MAGI2: variants seen among roughly 807,000 people sequenced by gnomAD.
MAGI2 encodes membrane-associated guanylate kinase, WW and PDZ domain-containing protein 2.
MAGI2 carries 35 observed loss-of-function variants against 133.3 expected under a neutral mutation model. The ratio of observed to expected loss-of-function variants is 0.26; its 90% CI spans 0.20 to 0.35. MAGI2 has a LOEUF of 0.35. Among genes scored for constraint, MAGI2 ranks in the 10% least tolerant of loss-of-function variants. The pLI is 1.00. For missense variants in MAGI2, 1,636 were observed against 1,863.4 expected (o/e 0.88, Z 2.25); for synonymous variants, 729 against 710.6 (o/e 1.03, Z -0.41).
intron 1 of MAGI2, among the ~76,000 whole-genome samples, chr7:79,194,009 T>C (rs970470021): frequency 5.3e-5 from 8 of 151,978 alleles, no homozygotes; most frequent in Admixed American, 4.6e-4. Context: ...CAGCAACTAG[T>C]ATTTCTACTT....
chr7:79,395,034 T>G (rs899967662), intron 1 of MAGI2, among the ~76,000 whole-genome samples: 1 of 152,206 alleles, frequency 6.6e-6, no homozygotes, highest in Non-Finnish European at 1.5e-5. Flanking sequence ...GCTGTAGTAC[T>G]CTCAGAGGCA....
Position 78,019,415 on chromosome 7 carries a change from G to C in MAGI2, c.4268C>G (p.Pro1423Arg). 1 of 1,123,228 alleles carries C rather than the reference G, an allele frequency of 8.9e-7. No individual in the cohort carries two copies. The highest frequency in any genetic ancestry group is 1.7e-5 in the African/African-American group (1 of 60,242). The allele number at this position is 1,123,228 out of a possible 1,614,324, so 69.6% of individuals were successfully genotyped here. A position where few individuals can be genotyped will look rare whatever the true frequency, so the allele number is the denominator to read the frequency against. Residue 1423 changes from proline (P) to arginine (R), a missense_variant, in exon 22 of 22, where the codon CCG becomes CGG. By Grantham distance (103) the Pro-to-Arg change is moderately radical. This residue lies in a region of MAGI2 where 354 missense variants were observed against 298.7 expected (regional missense o/e 1.19). Coordinates refer to ENST00000354212, the MANE Select transcript of MAGI2 (RefSeq NM_012301.4). The stretch of plus-strand genomic sequence containing the variant: ...CGGCGCGACGGCGGCCTTGCGCGCC[G>C]GGGCGCCCCCCGGGGGTCGCGGGCC... Reference protein sequence around the residue: ...RPGPRPPGGAPARKAAVAPGP... With the variant: ...RPGPRPPGGARARKAAVAPGP...
chr7:78,882,925 G>T (rs1021919239), intron 2 of MAGI2, among the ~76,000 whole-genome samples: 10 of 152,044 alleles, frequency 6.6e-5, no homozygotes, highest in Non-Finnish European at 1.3e-4. Flanking sequence ...AAAGCTGGAA[G>T]CACTCCCTTA....
intron 2 of MAGI2, among the ~76,000 whole-genome samples, chr7:78,730,443 C>T (rs1821264810): frequency 6.7e-6 from 1 of 149,186 alleles, no homozygotes; most frequent in African/African-American, 2.5e-5. Context: ...GCATAACTGG[C>T]ATCAAAATCA....
At chr7:78,557,335 A>T (rs1464660406) in intron 3 of MAGI2, among the ~76,000 whole-genome samples, 1 of 152,154 alleles carries the variant, frequency 6.6e-6, no homozygotes, top group Admixed American at 6.5e-5. Context: ...CAAAGGAGCC[A>T]GTTAGCATTG....
intron 9 of MAGI2, among the ~76,000 whole-genome samples, chr7:78,323,516 T>C (rs1562822012): frequency 1.3e-5 from 2 of 152,150 alleles, no homozygotes; most frequent in East Asian, 1.9e-4. Flanking sequence ...CTGGGGGAGA[T>C]AGTTTGGAAT....
At chr7:78,144,884 C>G (rs1249541197) in intron 16 of MAGI2, among the ~76,000 whole-genome samples, 1 of 151,936 alleles carries the variant, frequency 6.6e-6, no homozygotes, top group Non-Finnish European at 1.5e-5. Flanking sequence ...CTCCACTTGC[C>G]CCCCTGCCCC....
intron 3 of MAGI2, among the ~76,000 whole-genome samples, chr7:78,573,261 TAA>T (rs1491312085): frequency 1.7e-4 from 3 of 17,262 alleles, no homozygotes; most frequent in East Asian, 0.019. Flanking sequence ...TATATAAATA[TAA>T]ATATATATAA....
intron 2 of MAGI2, among the ~76,000 whole-genome samples, chr7:78,643,957 TATA>T (rs998953560): frequency 8.5e-5 from 13 of 152,166 alleles, no homozygotes; most frequent in African/African-American, 2.9e-4. Flanking sequence ...TTACTTTAAA[TATA>T]ATAATGCAAA....
chr7:78,870,624 A>G (rs527510416), intron 2 of MAGI2, among the ~76,000 whole-genome samples: 2 of 152,278 alleles, frequency 1.3e-5, no homozygotes, highest in Non-Finnish European at 2.9e-5. Flanking sequence ...TACAACCACT[A>G]TGGAAAACAG....
intron 2 of MAGI2, among the ~76,000 whole-genome samples, chr7:78,665,962 G>C (rs1366046729): frequency 1.2e-4 from 18 of 152,138 alleles, no homozygotes; most frequent in Admixed American, 1.2e-3. Context: ...GTGATGTCAA[G>C]CTTAGTGGGA....
chr7:79,150,437 G>T (rs1380591509), intron 1 of MAGI2, among the ~76,000 whole-genome samples: 1 of 152,022 alleles, frequency 6.6e-6, no homozygotes, highest in African/African-American at 2.4e-5. Flanking sequence ...TGATGATAAA[G>T]TTAAAATATT....
chr7:78,248,333 T>C (rs748156130), intron 10 of MAGI2, among the ~76,000 whole-genome samples: 1 of 152,168 alleles, frequency 6.6e-6, no homozygotes, highest in Admixed American at 6.5e-5. Flanking sequence ...AAATCCAGAA[T>C]AATTCAATAC....
At chr7:79,126,085 G>GT (rs1562918389) in intron 1 of MAGI2, among the ~76,000 whole-genome samples, 2 of 152,142 alleles carry the variant, frequency 1.3e-5, no homozygotes, top group Admixed American at 6.5e-5. Flanking sequence ...ATGTAGTTTT[G>GT]TTTTTTCCTT....
At chr7:79,299,915 T>A (rs567744044) in intron 1 of MAGI2, among the ~76,000 whole-genome samples, 35 of 152,248 alleles carry the variant, frequency 2.3e-4, no homozygotes, top group Non-Finnish European at 2.6e-4. Context: ...GTTTCTGCTT[T>A]CACTATGTGA....
At chr7:78,955,714 TC>T (rs776209731) in intron 2 of MAGI2, among the ~76,000 whole-genome samples, 3,311 of 116,098 alleles carry the variant, frequency 0.029, 64 homozygotes, top group African/African-American at 0.041. Flanking sequence ...TCTTTCTTTT[TC>T]TTTCTTTCTC....
At chr7:79,397,462 T>C (rs1395718963) in intron 1 of MAGI2, among the ~76,000 whole-genome samples, 1 of 151,996 alleles carries the variant, frequency 6.6e-6, no homozygotes, top group African/African-American at 2.4e-5. Flanking sequence ...TATTTATGTA[T>C]ATTTCTGATT....
intron 2 of MAGI2, among the ~76,000 whole-genome samples, chr7:78,953,371 G>A (rs1003389907): frequency 4.6e-5 from 7 of 152,070 alleles, no homozygotes; most frequent in Admixed American, 2.6e-4. Context: ...TAAATCAAGT[G>A]TTGCTCCAGA....
chr7:78,348,011 C>A (rs1336788035), intron 7 of MAGI2, among the ~76,000 whole-genome samples: 1 of 152,194 alleles, frequency 6.6e-6, no homozygotes, highest in African/African-American at 2.4e-5. Context: ...ACTTCCTTAC[C>A]AAAATCCTTT....
Sources: allele counts gnomAD v4.1 joint callset (sites outside exome capture counted in the v4.1 genomes callset), GRCh38; gene constraint gnomAD v4.1.1; regional missense constraint gnomAD v4.1.1; transcripts MANE v1.5; gene names NCBI Gene and HGNC (gene_info 2026-07-23, HGNC 2026-07-21).